TGFBRAP1: variants seen among roughly 807,000 people sequenced by gnomAD.
TGFBRAP1 encodes the protein transforming growth factor beta receptor associated protein 1.
TGFBRAP1 carries 20 observed loss-of-function variants against 83.2 expected under a neutral mutation model. The observed-to-expected ratio is 0.24, with a 90% CI of 0.17 to 0.35. TGFBRAP1 has a LOEUF of 0.35. Among genes scored for constraint, TGFBRAP1 ranks in the 10% least tolerant of loss-of-function variants. The pLI is 1.00. For missense variants in TGFBRAP1, 950 were observed against 1,099.4 expected (o/e 0.86, Z 1.92); for synonymous variants, 415 against 459.8 (o/e 0.90, Z 1.25).
chr2:105,278,396 C>T (rs1462761527), intron 6 of TGFBRAP1, among the ~76,000 whole-genome samples: 1 of 152,092 alleles, frequency 6.6e-6, no homozygotes, highest in Non-Finnish European at 1.5e-5. Flanking sequence ...AGAAGGAGGG[C>T]AGGGGCTCTG....
At chr2:105,278,503 G>C (rs1271825797) in intron 6 of TGFBRAP1, among the ~76,000 whole-genome samples, 3 of 152,196 alleles carry the variant, frequency 2.0e-5, no homozygotes, top group East Asian at 3.9e-4. Context: ...CAAGAACCTG[G>C]GTTTCAAGTC....
chr2:105,286,439 C>G (rs1198941440), intron 4 of TGFBRAP1, among the ~76,000 whole-genome samples: 3 of 152,266 alleles, frequency 2.0e-5, no homozygotes, highest in Non-Finnish European at 2.9e-5. Flanking sequence ...TGATCCTGAG[C>G]TATAAAACCT....
chr2:105,257,613 A>G, the TGFBRAP1 span, among the ~76,000 whole-genome samples: 3 of 152,086 alleles, frequency 2.0e-5, no homozygotes, highest in Non-Finnish European at 4.4e-5. Context: ...TTCACACTGA[A>G]TAATATTCCA....
intron 4 of TGFBRAP1, among the ~76,000 whole-genome samples, chr2:105,294,797 G>C (rs1386556943): frequency 6.6e-6 from 1 of 152,204 alleles, no homozygotes; most frequent in East Asian, 1.9e-4. Flanking sequence ...GCAAAAATCA[G>C]ATACACAGCA....
intron 8 of TGFBRAP1, 95 bp downstream of exon 8, chr2:105,275,465 G>T (rs1677306900): frequency 4.6e-6 from 7 of 1,516,460 alleles, no homozygotes; most frequent in Middle Eastern, 3.5e-4. Flanking sequence ...AGGTTGAAAT[G>T]TAGCTTTCTT....
At chr2:105,277,284 G>A (rs113027178) in intron 7 of TGFBRAP1, among the ~76,000 whole-genome samples, 128 of 152,296 alleles carry the variant, frequency 8.4e-4, no homozygotes, top group African/African-American at 2.8e-3. Context: ...TGGTAAATCC[G>A]ACTATCATTC....
At chr2:105,318,822 G>T (rs1866042) in intron 1 of TGFBRAP1, among the ~76,000 whole-genome samples, 33,644 of 152,016 alleles carry the variant, frequency 0.22, 4,824 homozygotes, top group East Asian at 0.55. Flanking sequence ...TGCCCCATGG[G>T]CGTGTATACC....
intron 9 of TGFBRAP1, among the ~76,000 whole-genome samples, chr2:105,273,216 C>T (rs773662939): frequency 3.4e-4 from 52 of 152,058 alleles, no homozygotes; most frequent in Middle Eastern, 3.2e-3. Context: ...CAAAATGTCA[C>T]CTCTTATTTC....
chr2:105,255,374 T>G, the TGFBRAP1 span, among the ~76,000 whole-genome samples: 1 of 151,658 alleles, frequency 6.6e-6, no homozygotes, highest in Non-Finnish European at 1.5e-5. Flanking sequence ...TGCAATGGAG[T>G]GCAGTGGTAC....
intron 1 of TGFBRAP1, among the ~76,000 whole-genome samples, chr2:105,311,162 CAAAA>C (rs375981592): frequency 2.4e-4 from 34 of 140,192 alleles, no homozygotes; most frequent in Admixed American, 8.4e-4. Context: ...AAAAAAAAAA[CAAAA>C]AACAAAAAAA....
chr2:105,320,510 G>T (rs577561903), intron 1 of TGFBRAP1, among the ~76,000 whole-genome samples: 2 of 152,162 alleles, frequency 1.3e-5, no homozygotes, highest in East Asian at 3.9e-4. Context: ...AAGGAGGCAG[G>T]AATGTGGGCC....
intron 4 of TGFBRAP1, among the ~76,000 whole-genome samples, chr2:105,295,609 G>A (rs998337500): frequency 2.6e-5 from 4 of 151,908 alleles, no homozygotes; most frequent in Admixed American, 6.6e-5. Context: ...TCAAGGGATC[G>A]AGACCATCCT....
At chr2:105,302,628 G>T (rs976251165) in intron 2 of TGFBRAP1, among the ~76,000 whole-genome samples, 3 of 152,156 alleles carry the variant, frequency 2.0e-5, no homozygotes, top group African/African-American at 4.8e-5. Context: ...ATTTTAAAAT[G>T]AAAGAATAAA....
At chr2:105,302,562 A>AAGT (rs1422619853) in intron 2 of TGFBRAP1, among the ~76,000 whole-genome samples, 2 of 152,182 alleles carry the variant, frequency 1.3e-5, no homozygotes, top group African/African-American at 4.8e-5. Context: ...AGGTGAGGAA[A>AAGT]AGTACTCTAC....
intron 8 of TGFBRAP1, among the ~76,000 whole-genome samples, 160 bp downstream of exon 8, chr2:105,275,400 G>C (rs1208816738): frequency 1.3e-5 from 2 of 152,172 alleles, no homozygotes; most frequent in African/African-American, 4.8e-5. Flanking sequence ...AATCCAGAGA[G>C]CTCAAGGGAA....
At chr2:105,312,354 T>A (rs1468208873) in intron 1 of TGFBRAP1, among the ~76,000 whole-genome samples, 1 of 152,196 alleles carries the variant, frequency 6.6e-6, no homozygotes, top group African/African-American at 2.4e-5. Context: ...AGTATGATTA[T>A]AATAATTTAA....
downstream of TGFBRAP1, among the ~76,000 whole-genome samples, chr2:105,263,606 G>A (rs1676838363): frequency 6.6e-6 from 1 of 152,162 alleles, no homozygotes; most frequent in African/African-American, 2.4e-5. Flanking sequence ...GGCCAAGCAT[G>A]GTGACTCACG....
intron 6 of TGFBRAP1, among the ~76,000 whole-genome samples, 199 bp from the exon 7 acceptor site, chr2:105,277,870 A>G (rs1677401173): frequency 6.6e-6 from 1 of 152,222 alleles, no homozygotes; most frequent in East Asian, 1.9e-4. Context: ...CCTGGGCAAC[A>G]ACATAGTGAG....
the TGFBRAP1 span, among the ~76,000 whole-genome samples, chr2:105,251,003 A>AC: frequency 6.6e-6 from 1 of 152,164 alleles, no homozygotes; most frequent in Non-Finnish European, 1.5e-5. Context: ...TCGGCTCGCT[A>AC]CAACATCCAC....
Sources: allele counts gnomAD v4.1 joint callset (sites outside exome capture counted in the v4.1 genomes callset), GRCh38; gene constraint gnomAD v4.1.1; transcripts MANE v1.5; gene names NCBI Gene and HGNC (gene_info 2026-07-23, HGNC 2026-07-21).